The following DUSP14 variants were observed in gnomAD, a reference collection of about 807,000 sequenced individuals.
The protein encoded by DUSP14 is dual specificity protein phosphatase 14.
Under a neutral mutation model 13.2 loss-of-function variants are expected in DUSP14, and 5 were observed. The observed-to-expected ratio is 0.38, with a 90% CI of 0.20 to 0.80. The LOEUF is 0.80. Ranked by LOEUF, DUSP14 falls within the 30% of genes least tolerant of loss-of-function variation. DUSP14 has a pLI of 0.44. For synonymous variants in DUSP14, 91 were observed against 103.4 expected (o/e 0.88, Z 0.73); for missense variants, 185 against 264.0 (o/e 0.70, Z 2.07).
chr17:37,489,806 G>A (rs1407562037), upstream of DUSP14: 1 of 147,260 alleles, frequency 6.8e-6, no homozygotes, highest in African/African-American at 2.5e-5. Context: ...CTCGGGAGAG[G>A]GCGGCCAGGC....
rs191008029 is a variant in DUSP14, at chr17:37,500,943, C to T, written c.-180-9734C>T. ...TTGCTGCAGTTTCCCGCCCCCTCCC[C>T]GCCCCAGCCAGTGAAATGTACATTT... On this transcript the variant is annotated intron_variant, in intron 1 of 2. Transcript: ENST00000617516. Among the ~76,000 whole-genome samples the T allele has an allele frequency of 1.1e-4, 16 of 152,232 alleles. No individual in the cohort carries two copies. The East Asian group carries it at 2.7e-3, about 26-fold the overall frequency.
chr17:37,497,291 T>G (rs1197322600), intron 1 of DUSP14, among the ~76,000 whole-genome samples: 1 of 152,098 alleles, frequency 6.6e-6, no homozygotes, highest in Non-Finnish European at 1.5e-5. Context: ...TACGGGCACA[T>G]GCCACCATGC....
At chr17:37,498,314 C>CTTTTTTTT (rs765033929) in intron 1 of DUSP14, among the ~76,000 whole-genome samples, 6 of 70,578 alleles carry the variant, frequency 8.5e-5, no homozygotes, top group African/African-American at 2.4e-4. Flanking sequence ...TAGATTGTAT[C>CTTTTTTTT]TTTTTTTTTT....
At chr17:37,501,427 G>T (rs540485396) in intron 1 of DUSP14, among the ~76,000 whole-genome samples, 10 of 152,268 alleles carry the variant, frequency 6.6e-5, no homozygotes, top group African/African-American at 2.4e-4. Context: ...TGCTGCTGGG[G>T]CTTGGATCAC....
At chr17:37,508,463 G>A (rs1441923005) in intron 1 of DUSP14, among the ~76,000 whole-genome samples, 1 of 152,308 alleles carries the variant, frequency 6.6e-6, no homozygotes, top group East Asian at 1.9e-4. Context: ...GCCAGGCACA[G>A]TGGCTCATGC....
intron 1 of DUSP14, among the ~76,000 whole-genome samples, chr17:37,499,324 T>C (rs969455314): frequency 2.6e-5 from 4 of 152,092 alleles, no homozygotes; most frequent in Non-Finnish European, 4.4e-5. Flanking sequence ...TGGCAAACTT[T>C]CTTTTTTTTA....
intron 2 of DUSP14, among the ~76,000 whole-genome samples, chr17:37,511,430 G>A (rs1350062330): frequency 2.6e-5 from 4 of 151,698 alleles, no homozygotes; most frequent in Admixed American, 6.6e-5. Flanking sequence ...ACAGGTGCTC[G>A]CCACCATGCT....
chr17:37,489,691 G>C (rs1432600417), upstream of DUSP14: 1 of 151,840 alleles, frequency 6.6e-6, no homozygotes, highest in African/African-American at 2.4e-5. Flanking sequence ...GCTGCCTCGG[G>C]AGCTAGGGCG....
chr17:37,492,232 C>G (rs773708267), intron 1 of DUSP14, among the ~76,000 whole-genome samples: 18 of 152,016 alleles, frequency 1.2e-4, no homozygotes, highest in Non-Finnish European at 1.6e-4. Context: ...ATAAAACTTT[C>G]CTATTTAAAA....
chr17:37,505,799 G>A (rs567155004), intron 1 of DUSP14, among the ~76,000 whole-genome samples: 18 of 152,248 alleles, frequency 1.2e-4, no homozygotes, highest in African/African-American at 4.1e-4. Flanking sequence ...GCTGATGCCC[G>A]CATCCCAGGA....
intron 2 of DUSP14, among the ~76,000 whole-genome samples, chr17:37,511,353 T>C (rs1416122731): frequency 1.3e-5 from 2 of 152,116 alleles, no homozygotes; most frequent in Non-Finnish European, 2.9e-5. Context: ...CGATCTCAGC[T>C]AGTTGCAACC....
chr17:37,503,085 A>G (rs544152295), intron 1 of DUSP14, among the ~76,000 whole-genome samples: 167 of 152,198 alleles, frequency 1.1e-3, no homozygotes, highest in Admixed American at 1.8e-3. Context: ...TCAGGGTTCA[A>G]ATGAGGGGAC....
At chr17:37,491,577 C>T (rs148504379) in intron 1 of DUSP14, 1 of 152,276 alleles carries the variant, frequency 6.6e-6, no homozygotes, top group East Asian at 1.9e-4. Context: ...CACTGTTGAA[C>T]GTGTGTGTCC....
At chr17:37,499,379 G>T (rs1199558445) in intron 1 of DUSP14, among the ~76,000 whole-genome samples, 1 of 151,788 alleles carries the variant, frequency 6.6e-6, no homozygotes, top group Admixed American at 6.6e-5. Context: ...TCACTGTTTG[G>T]CTCAGTCTGG....
At chr17:37,502,592 G>GAGAT (rs1322667191) in intron 1 of DUSP14, among the ~76,000 whole-genome samples, 20 of 152,110 alleles carry the variant, frequency 1.3e-4, no homozygotes, top group African/African-American at 4.8e-4. Flanking sequence ...CCTTAGGTAG[G>GAGAT]AGATTCAAAG....
At chr17:37,489,373 G>A (rs966192218), upstream of DUSP14, among the ~76,000 whole-genome samples, 1 of 152,144 alleles carries the variant, frequency 6.6e-6, no homozygotes, top group Admixed American at 6.5e-5. Context: ...GCGTCAGCCA[G>A]GAACTGCCGC....
chr17:37,508,983 CAG>C (rs941957508), intron 1 of DUSP14, among the ~76,000 whole-genome samples: 20 of 142,168 alleles, frequency 1.4e-4, no homozygotes, highest in Admixed American at 2.9e-4. Flanking sequence ...AATGGATAAA[CAG>C]AGTGTGGTGT....
intron 1 of DUSP14, among the ~76,000 whole-genome samples, chr17:37,498,330 T>C (rs1375053676): frequency 4.7e-5 from 6 of 127,510 alleles, no homozygotes; most frequent in African/African-American, 1.8e-4. Context: ...TTTTTTTTTT[T>C]TTTTTTTTTT....
intron 1 of DUSP14, among the ~76,000 whole-genome samples, chr17:37,497,938 C>T (rs1264239695): frequency 6.6e-6 from 1 of 151,504 alleles, no homozygotes; most frequent in African/African-American, 2.4e-5. Flanking sequence ...CCCAGCTACT[C>T]AGGAGGCAGA....
Sources: allele counts gnomAD v4.1 joint callset (sites outside exome capture counted in the v4.1 genomes callset), GRCh38; gene constraint gnomAD v4.1.1; transcripts MANE v1.5; gene names NCBI Gene and HGNC (gene_info 2026-07-23, HGNC 2026-07-21).